TCEA2: variants seen among roughly 807,000 people sequenced by gnomAD.
The protein encoded by TCEA2 is transcription elongation factor A2, also known as transcription elongation factor A protein 2.
In TCEA2, 21 loss-of-function variants were observed where a neutral mutation model predicts 40.8. The observed-to-expected ratio is 0.51, with a 90% CI of 0.36 to 0.74. The LOEUF (loss-of-function observed/expected upper bound fraction) is 0.74, where lower values mean the gene tolerates loss of function less well. Among genes scored for constraint, TCEA2 ranks in the 30% least tolerant of loss-of-function variants. The pLI is 0.00. For synonymous variants in TCEA2, 165 were observed against 162.7 expected (o/e 1.01, Z -0.11); for missense variants, 326 against 426.5 (o/e 0.76, Z 2.08).
chr20:64,066,295 G>C, intron 1 of TCEA2, 181 bp from the exon 2 acceptor site: 1 of 644,034 alleles, frequency 1.6e-6, no homozygotes, highest in Non-Finnish European at 2.7e-6. Flanking sequence ...CCCTGCTGTG[G>C]TGCAGGAACA....
At chr20:64,066,402 C>T in intron 1 of TCEA2, 74 bp from the exon 2 acceptor site, 6 of 1,547,550 alleles carry the variant, frequency 3.9e-6, no homozygotes, top group Non-Finnish European at 5.3e-6. Flanking sequence ...GTGTTCTCCT[C>T]CAGTAGGCAG....
chr20:64,063,398 G>T lies in TCEA2; in HGVS notation c.72+14G>T, dbSNP rs1038661193. Reference sequence around the variant, plus strand: ...AAGAAGAGCGCGGTGAGGGGCGCGGGCCGCCAGGACCCCGGGAACCCCGCC... The same window carrying T: ...AAGAAGAGCGCGGTGAGGGGCGCGGTCCGCCAGGACCCCGGGAACCCCGCC... On this transcript the variant is annotated intron_variant, in intron 1 of 9. Transcript: ENST00000343484. The T allele has an allele frequency of 3.2e-6, 5 of 1,543,748 alleles. No homozygotes were observed. The African/African-American group carries it at 6.9e-5, about 21-fold the overall frequency.
At chr20:64,055,840 C>T (rs943256782), upstream of TCEA2, among the ~76,000 whole-genome samples, 5 of 152,064 alleles carry the variant, frequency 3.3e-5, no homozygotes, top group Non-Finnish European at 7.4e-5. This position sits in a 1 kb window ranked among gnomAD's most constrained non-coding sequence, Gnocchi z 4.0. Flanking sequence ...TCTGGCTGCC[C>T]CAGGAGTCTC....
At chr20:64,072,079 G>T in intron 9 of TCEA2, 93 bp from the exon 10 acceptor site, 2 of 1,597,382 alleles carry the variant, frequency 1.3e-6, no homozygotes, top group Non-Finnish European at 8.6e-7. Flanking sequence ...CATGGTGGGT[G>T]GAGAGCCCAG....
upstream of TCEA2, among the ~76,000 whole-genome samples, chr20:64,055,956 A>G (rs1043511677): frequency 1.3e-5 from 2 of 151,538 alleles, no homozygotes; most frequent in Admixed American, 1.3e-4. This position sits in a 1 kb window ranked among gnomAD's most constrained non-coding sequence, Gnocchi z 4.0. Context: ...CATAGCCCCG[A>G]CCCCACGGCT....
At chr20:64,056,411 GT>G, upstream of TCEA2, among the ~76,000 whole-genome samples, 1 of 152,310 alleles carries the variant, frequency 6.6e-6, no homozygotes, top group East Asian at 1.9e-4. Context: ...CCTGGGTGGG[GT>G]CCACTGGGGT....
At chr20:64,056,499 G>A (rs2059474549), upstream of TCEA2, among the ~76,000 whole-genome samples, 1 of 152,070 alleles carries the variant, frequency 6.6e-6, no homozygotes, top group Non-Finnish European at 1.5e-5. Flanking sequence ...TAGGTGCTTG[G>A]GCTGTGGGAG....
chr20:64,055,945 C>T (rs2059468693), upstream of TCEA2, among the ~76,000 whole-genome samples: 1 of 152,062 alleles, frequency 6.6e-6, no homozygotes, highest in Non-Finnish European at 1.5e-5. This position sits in a 1 kb window ranked among gnomAD's most constrained non-coding sequence, Gnocchi z 4.0. Context: ...TAGGCTTCAC[C>T]CATAGCCCCG....
chr20:64,063,740 G>T, intron 1 of TCEA2: 1 of 267,344 alleles, frequency 3.7e-6, no homozygotes, highest in South Asian at 5.9e-5. Flanking sequence ...CTCCTTCCTT[G>T]GCCCTGTCCC....
At chr20:64,070,869 A>T (rs1276949648) in intron 8 of TCEA2, among the ~76,000 whole-genome samples, 2 of 152,132 alleles carry the variant, frequency 1.3e-5, no homozygotes, top group Non-Finnish European at 2.9e-5. Context: ...GCGGATACTC[A>T]AGTCAGAGGG....
chr20:64,069,297 C>T, intron 4 of TCEA2, 64 bp from the exon 5 acceptor site: 1 of 1,506,488 alleles, frequency 6.6e-7, no homozygotes, highest in Non-Finnish European at 8.9e-7. Flanking sequence ...GCTTCTAGGA[C>T]CAGTGTCTCG....
rs149199245 is a variant in TCEA2 at position 64,058,102 on chromosome 20, G to A, written c.-84+451G>A. On this transcript the variant is annotated intron_variant, in intron 1 of 10. Transcript: ENST00000361317. This position sits in a 1 kb window ranked among gnomAD's most constrained non-coding sequence, Gnocchi z 6.7. ...TTGCTTCCACGCAGGACTAGAGCAT[G>A]TCAGGGTTCGGGGCTCCTGTCATAG... Among the ~76,000 whole-genome samples the A allele has an allele frequency of 1.2e-4, 19 of 152,346 alleles. No individual in the cohort carries two copies. The highest frequency in any genetic ancestry group is 2.6e-4 in the Non-Finnish European group (18 of 68,024).
chr20:64,061,096 CT>C (rs71197441), upstream of TCEA2, among the ~76,000 whole-genome samples: 538 of 60,512 alleles, frequency 8.9e-3, 3 homozygotes, highest in African/African-American at 0.033. Context: ...CAGCCTGAGT[CT>C]TTTTTTTTTT....
rs774629332 is a variant in TCEA2 at position 64,070,017 on chromosome 20, CTGCTTG to C, written c.517+199_517+204del. 64 of 881,858 alleles carry C rather than the reference CTGCTTG, an allele frequency of 7.3e-5. No homozygotes were observed. The East Asian group carries it at 1.6e-3, about 21-fold the overall frequency. The allele number at this position is 881,858 out of a possible 1,614,324, so 54.6% of individuals were successfully genotyped here. ...GGACCAGCTGAAGGGCTGATTCTGT[CTGCTTG>C]TGGGGCCTAGGTCCCCTGGGGCTGT... is the stretch of plus-strand genomic sequence containing the variant. On this transcript the variant is annotated intron_variant, in intron 6 of 9. Transcript: ENST00000343484.
At position 64,071,718 on chromosome 20, in the gene TCEA2, T is replaced by C. The variant is rs2059841650; in HGVS notation, c.820-152T>C. The C allele has an allele frequency of 1.1e-5, 9 of 793,996 alleles. No individual in the cohort carries two copies. The South Asian group carries it at 1.7e-4, about 15-fold the overall frequency. 49.2% of individuals were successfully genotyped at this position (793,996 alleles called of 1,614,324 possible). On this transcript the variant is annotated intron_variant, in intron 8 of 9. Coordinates refer to ENST00000343484, the MANE Select transcript of TCEA2 (RefSeq NM_003195.6). ...AACTCTGTCTCCCTCCCCCGGAGGC[T>C]CAGCTTTGGAAGGTTGGAGTCACGA...
chr20:64,059,990 C>T (rs1424511704), upstream of TCEA2, among the ~76,000 whole-genome samples: 1 of 152,182 alleles, frequency 6.6e-6, no homozygotes, highest in African/African-American at 2.4e-5. Flanking sequence ...CGTGCTGATA[C>T]CCCAGACCCC....
At chr20:64,060,256 C>G (rs1001893614), upstream of TCEA2, among the ~76,000 whole-genome samples, 8 of 152,176 alleles carry the variant, frequency 5.3e-5, no homozygotes, top group East Asian at 1.5e-3. Flanking sequence ...TCCCCCCCAC[C>G]CCCAGCTTGA....
intron 1 of TCEA2, 130 bp downstream of exon 1, chr20:64,063,514 C>T (rs2059616603): frequency 9.0e-7 from 1 of 1,114,450 alleles, no homozygotes; most frequent in Non-Finnish European, 1.3e-6. Flanking sequence ...CAGAGACTAA[C>T]CGGGACGCAG....
intron 2 of TCEA2, 47 bp from the exon 3 acceptor site, chr20:64,066,868 C>A: frequency 6.3e-7 from 1 of 1,576,438 alleles, no homozygotes; most frequent in Non-Finnish European, 8.7e-7. Flanking sequence ...AATCTGACCC[C>A]TAGGGTGGGC....
Sources: allele counts gnomAD v4.1 joint callset (sites outside exome capture counted in the v4.1 genomes callset), GRCh38; gene constraint gnomAD v4.1.1; non-coding constraint Gnocchi (gnomAD v3.1); transcripts MANE v1.5; gene names NCBI Gene and HGNC (gene_info 2026-07-23, HGNC 2026-07-21).